The following ZNF521 variants were observed in gnomAD, a reference collection of about 807,000 sequenced individuals.
ZNF521 encodes the protein LYST-interacting protein 3.
A neutral mutation model predicts 105.5 loss-of-function variants in ZNF521; 14 were observed. The observed-to-expected ratio is 0.13, with a 90% CI of 0.09 to 0.21. ZNF521 has a LOEUF of 0.21. ZNF521 is among the 10% of genes least tolerant of loss of function. The probability of loss-of-function intolerance (pLI) is 1.00; values close to 1 mark genes in which losing one functional copy is unlikely to be tolerated. For missense variants in ZNF521, 1,233 were observed against 1,629.7 expected (o/e 0.76, Z 4.19); for synonymous variants, 635 against 606.0 (o/e 1.05, Z -0.70).
At chr18:25,113,068 TA>T (rs34479760) in intron 5 of ZNF521, among the ~76,000 whole-genome samples, 52,426 of 151,010 alleles carry the variant, frequency 0.35, 10,225 homozygotes, top group South Asian at 0.51. Context: ...GAAATCGGCA[TA>T]GGGGAAAGGG....
chr18:25,249,002 T>C (rs1466554018), intron 3 of ZNF521, among the ~76,000 whole-genome samples: 4 of 152,222 alleles, frequency 2.6e-5, no homozygotes, highest in Admixed American at 6.5e-5. Flanking sequence ...AGAAACCATA[T>C]GGCTCACAGA....
intron 3 of ZNF521, among the ~76,000 whole-genome samples, chr18:25,242,123 G>A (rs1221669653): frequency 6.6e-6 from 1 of 152,136 alleles, no homozygotes; most frequent in Non-Finnish European, 1.5e-5. Flanking sequence ...TGTCCAATCT[G>A]TCACTGAAAT....
chr18:25,148,258 A>G (rs2034982432), intron 5 of ZNF521, among the ~76,000 whole-genome samples: 1 of 152,196 alleles, frequency 6.6e-6, no homozygotes, highest in African/African-American at 2.4e-5. Flanking sequence ...TGGACGTGAC[A>G]TAATTATTTG....
At chr18:25,296,397 C>T (rs1911319999) in intron 3 of ZNF521, among the ~76,000 whole-genome samples, 1 of 152,118 alleles carries the variant, frequency 6.6e-6, no homozygotes. Flanking sequence ...TTCATATATG[C>T]AAGTAGTATA....
At chr18:25,316,657 T>C (rs997957143) in intron 3 of ZNF521, among the ~76,000 whole-genome samples, 16 of 152,150 alleles carry the variant, frequency 1.1e-4, no homozygotes, top group African/African-American at 3.9e-4. Flanking sequence ...CATTAACACC[T>C]TCAACAAACA....
Position 25,173,873 on chromosome 18 carries a change from T to C in ZNF521, c.3658+21287A>G, listed in dbSNP as rs149702561. On this transcript the variant is annotated intron_variant, in intron 5 of 7. Transcript: ENST00000361524. ...TTCAAATCTAACTCAATAATTCCTC[T>C]ATTCTTCCCTTACTTCAGCAATAAT... 8.7e-4 allele frequency among the ~76,000 whole-genome samples: 132 copies of C among 152,346 alleles called. 2 individuals carry two copies. Among genetic ancestry groups the C allele is most frequent in the African/African-American group, 3.0e-3 (126 of 41,590 alleles).
chr18:25,069,320 A>G (rs1194762676), intron 7 of ZNF521, among the ~76,000 whole-genome samples: 2 of 152,188 alleles, frequency 1.3e-5, no homozygotes, highest in Non-Finnish European at 2.9e-5. Context: ...AAATAGTCAC[A>G]ATGGCAAAGG....
At chr18:25,208,916 TA>T (rs1014640151) in intron 4 of ZNF521, among the ~76,000 whole-genome samples, 4 of 152,176 alleles carry the variant, frequency 2.6e-5, no homozygotes, top group African/African-American at 7.2e-5. Flanking sequence ...CAATAGCTTT[TA>T]ATACAGCTTA....
At chr18:25,215,193 A>C (rs1385256869) in intron 4 of ZNF521, among the ~76,000 whole-genome samples, 1 of 152,174 alleles carries the variant, frequency 6.6e-6, no homozygotes, top group Non-Finnish European at 1.5e-5. Context: ...GTAGGTTAAG[A>C]ATAGAACCTT....
At chr18:25,158,639 G>T (rs2035193127) in intron 5 of ZNF521, among the ~76,000 whole-genome samples, 1 of 151,972 alleles carries the variant, frequency 6.6e-6, no homozygotes, top group African/African-American at 2.4e-5. Context: ...AGAAGAAAAG[G>T]AAATGAAATG....
Position 25,224,672 on chromosome 18 carries a change from T to A in ZNF521, c.3246A>T (p.Lys1082Asn). 6.2e-7 allele frequency: 1 copy of A among 1,614,020 alleles called. No individual in the cohort carries two copies. The highest frequency in any genetic ancestry group is 1.6e-4 in the Middle Eastern group (1 of 6,062). ...KEFRSKQDLV[K>N]LDINGLPYGL... The stretch of plus-strand genomic sequence containing the variant: ...CATATGGCAGGCCATTGATATCAAG[T>A]TTCACCAGATCTTGCTTGGAACGGA... The change falls in exon 4 of 8, where the codon AAA (lysine) becomes AAT (asparagine). Residue 1082 changes from lysine (K) to asparagine (N), a missense_variant. Lys to Asn is a moderately conservative substitution (Grantham distance 94). Coordinates refer to ENST00000361524, the MANE Select transcript of ZNF521 (RefSeq NM_015461.3).
At chr18:25,347,088 A>G (rs1914496043) in intron 2 of ZNF521, among the ~76,000 whole-genome samples, 1 of 152,240 alleles carries the variant, frequency 6.6e-6, no homozygotes, top group Admixed American at 6.5e-5. Flanking sequence ...AGCCAGCAAG[A>G]AAAATAGAAA....
intron 5 of ZNF521, among the ~76,000 whole-genome samples, chr18:25,156,502 C>A (rs866281442): frequency 6.6e-6 from 1 of 152,186 alleles, no homozygotes; most frequent in East Asian, 1.9e-4. Flanking sequence ...TATTTCAATA[C>A]ACTTTAAAAA....
intron 4 of ZNF521, among the ~76,000 whole-genome samples, chr18:25,216,194 C>G (rs940496109): frequency 6.6e-6 from 1 of 151,930 alleles, no homozygotes; most frequent in South Asian, 2.1e-4. Context: ...AACAGAACTC[C>G]GGGACTTGAG....
intron 3 of ZNF521, among the ~76,000 whole-genome samples, chr18:25,258,317 T>C (rs1331199127): frequency 1.3e-5 from 2 of 152,274 alleles, no homozygotes; most frequent in East Asian, 3.9e-4. Flanking sequence ...CCATAGACTA[T>C]TACAAAATGT....
At position 25,323,655 on chromosome 18, in the gene ZNF521, G is replaced by A. The variant is rs186373009; in HGVS notation, c.41-1468C>T. Reference sequence around the variant, plus strand: ...TAAATGTTACAATCAAGAATCCACAGAATCAAAAATAACCAAGTATTTCTC... The same window carrying A: ...TAAATGTTACAATCAAGAATCCACAAAATCAAAAATAACCAAGTATTTCTC... On this transcript the variant is annotated intron_variant, in intron 2 of 7. Coordinates refer to ENST00000361524, the MANE Select transcript of ZNF521 (RefSeq NM_015461.3). Among the ~76,000 whole-genome samples, 20 of 152,190 alleles carry A rather than the reference G, an allele frequency of 1.3e-4. 1 individual carries two copies. The highest frequency in any genetic ancestry group is 2.6e-4 in the Non-Finnish European group (18 of 68,006).
At chr18:25,301,457 G>GA (rs2145069832) in intron 3 of ZNF521, among the ~76,000 whole-genome samples, 1 of 152,216 alleles carries the variant, frequency 6.6e-6, no homozygotes, top group Admixed American at 6.5e-5. Context: ...TTAAAAAAGA[G>GA]ACCTGGCAGC....
At chr18:25,077,853 G>A (rs2033400279) in intron 7 of ZNF521, among the ~76,000 whole-genome samples, 2 of 152,124 alleles carry the variant, frequency 1.3e-5, no homozygotes, top group Admixed American at 6.5e-5. Flanking sequence ...GAGAATTAAA[G>A]GTTAGCAACC....
At chr18:25,263,560 G>A (rs538699755) in intron 3 of ZNF521, among the ~76,000 whole-genome samples, 2 of 151,828 alleles carry the variant, frequency 1.3e-5, no homozygotes, top group South Asian at 4.2e-4. Context: ...GCTTCACCAT[G>A]TAGGTCAACA....
Sources: gnomAD v4.1 joint callset for allele counts (sites outside exome capture counted in the v4.1 genomes callset) on GRCh38, gnomAD v4.1.1 for gene constraint, MANE v1.5 for transcripts, NCBI Gene and HGNC (gene_info 2026-07-23, HGNC 2026-07-21) for gene names.